The following PCDHA1 variants were observed in gnomAD, a reference collection of about 807,000 sequenced individuals.
PCDHA1 encodes the protein protocadherin alpha-1.
Under a neutral mutation model 61.3 loss-of-function variants are expected in PCDHA1, and 42 were observed. The ratio of observed to expected loss-of-function variants is 0.69; its 90% CI spans 0.54 to 0.89. PCDHA1 has a LOEUF of 0.89. PCDHA1 is among the 40% of genes least tolerant of loss of function. The pLI, the probability that PCDHA1 is intolerant of heterozygous loss-of-function variation, is 0.00. For missense variants in PCDHA1, 1,256 were observed against 1,235.3 expected, an observed-to-expected ratio of 1.02 and a Z score of -0.25; for synonymous variants, 610 against 553.8, an observed-to-expected ratio of 1.10 and a Z score of -1.43.
At chr5:140,819,566 T>G (rs1437809620) in intron 1 of PCDHA1, among the ~76,000 whole-genome samples, 1 of 152,138 alleles carries the variant, frequency 6.6e-6, no homozygotes, top group Non-Finnish European at 1.5e-5. Flanking sequence ...GAAAATAGCT[T>G]AGAAGAAGAT....
chr5:140,917,231 A>G (rs2077963769), intron 1 of PCDHA1, among the ~76,000 whole-genome samples: 1 of 151,360 alleles, frequency 6.6e-6, no homozygotes, highest in Admixed American at 6.6e-5. Context: ...TACGTTGTTA[A>G]ATCTAGGTAC....
At chr5:140,851,805 T>A (rs2042164036) in intron 1 of PCDHA1, 1 of 945,532 alleles carries the variant, frequency 1.1e-6, no homozygotes. Flanking sequence ...CTGTCAGTAA[T>A]CCATAAGACA....
rs202007975 is a variant in PCDHA1 at position 140,850,558 on chromosome 5, G to A, written c.2394+61874G>A. The A allele has an allele frequency of 5.2e-4, 834 of 1,598,326 alleles. 75 individuals carry two copies. The highest frequency in any genetic ancestry group is 6.1e-4 in the Non-Finnish European group (716 of 1,167,818). ...TCGCGGGCGTCAGTGGGTGCCACGGGCCCCGAGGTGACGCTGGTGGATGTC... is the reference window on the plus strand; with the variant it reads ...TCGCGGGCGTCAGTGGGTGCCACGGACCCCGAGGTGACGCTGGTGGATGTC... On this transcript the variant is annotated intron_variant, in intron 1 of 3. Transcript: ENST00000504120.
At chr5:140,869,203 TC>T in intron 1 of PCDHA1, 30 of 1,614,000 alleles carry the variant, frequency 1.9e-5, no homozygotes, top group Non-Finnish European at 2.5e-5. Flanking sequence ...GCTCCACTAC[TC>T]CGTCTCGGAG....
Position 140,927,842 on chromosome 5 carries a change from T to C in PCDHA1, c.2395-51107T>C, listed in dbSNP as rs201721848. 1.9e-6 allele frequency: 3 copies of C among 1,614,140 alleles called. No individual in the cohort carries two copies. The African/African-American group carries it at 4.0e-5, about 22-fold the overall frequency. On this transcript the variant is annotated intron_variant, in intron 1 of 3. Transcript: ENST00000504120. ...TACATTGAGGCGAGGGACGAAGGTG[T>C]CTTTGGTTTAGCTAGCACCGCTAAA... is the stretch of plus-strand genomic sequence containing the variant.
At chr5:140,796,503 G>A (rs1554119948) in intron 1 of PCDHA1, 2 of 1,612,392 alleles carry the variant, frequency 1.2e-6, no homozygotes, top group East Asian at 4.5e-5. Flanking sequence ...TGCACGCGGA[G>A]AGCGGCAAGG....
At chr5:140,914,944 CTTTT>C (rs35695909) in intron 1 of PCDHA1, among the ~76,000 whole-genome samples, 298 of 128,244 alleles carry the variant, frequency 2.3e-3, no homozygotes, top group African/African-American at 8.2e-3. Flanking sequence ...GAAAAGTTGT[CTTTT>C]TTTTTTTTTT....
At chr5:140,808,513 T>A (rs1554124601) in intron 1 of PCDHA1, 1 of 1,614,138 alleles carries the variant, frequency 6.2e-7, no homozygotes. Flanking sequence ...CCAGTGTTTC[T>A]GTGGAGGTGG....
At chr5:140,815,038 A>AT (rs1226281271) in intron 1 of PCDHA1, 3 of 152,070 alleles carry the variant, frequency 2.0e-5, no homozygotes, top group Non-Finnish European at 4.4e-5. Context: ...TTTGCATGAA[A>AT]TTTTTTTAAT....
intron 3 of PCDHA1, 47 bp from the exon 4 acceptor site, chr5:141,009,580 G>T: frequency 1.3e-6 from 2 of 1,588,168 alleles, no homozygotes; most frequent in South Asian, 2.3e-5. Context: ...GTGGCATCAA[G>T]AGCATGTGTT....
rs781801031 is a variant in PCDHA1, at chr5:140,796,082, C to A, written c.2394+7398C>A. The A allele has an allele frequency of 1.2e-6, 2 of 1,614,194 alleles. No homozygotes were observed. The highest frequency in any genetic ancestry group is 2.2e-5 in the East Asian group (1 of 44,886). On this transcript the variant is annotated intron_variant, in intron 1 of 3. Transcript: ENST00000504120. ...CTGGGCACTGTCATTGCTCTCATCA[C>A]GGTGTCGGATCGCGACTCTGGTACG...
At chr5:140,850,671 A>T in intron 1 of PCDHA1, 1 of 1,598,160 alleles carries the variant, frequency 6.3e-7, no homozygotes, top group Non-Finnish European at 8.6e-7. Context: ...GTGCTCGGCG[A>T]TGCCCACCGA....
At chr5:140,958,374 A>G (rs953397625) in intron 1 of PCDHA1, among the ~76,000 whole-genome samples, 3 of 152,134 alleles carry the variant, frequency 2.0e-5, no homozygotes, top group African/African-American at 7.2e-5. Context: ...GAATGTTGCT[A>G]TTTTCTTAAC....
intron 1 of PCDHA1, among the ~76,000 whole-genome samples, chr5:140,895,670 G>C (rs551602030): frequency 3.9e-5 from 6 of 152,250 alleles, no homozygotes; most frequent in Non-Finnish European, 8.8e-5. Context: ...AGAACATGTA[G>C]TATTTGGTTT....
intron 1 of PCDHA1, among the ~76,000 whole-genome samples, chr5:140,939,338 G>A (rs2092369072): frequency 6.6e-6 from 1 of 152,116 alleles, no homozygotes; most frequent in South Asian, 2.1e-4. Context: ...TTAGGGGTTA[G>A]CATTTCAACT....
At chr5:140,822,834 C>A in intron 1 of PCDHA1, 1 of 1,614,218 alleles carries the variant, frequency 6.2e-7, no homozygotes, top group Middle Eastern at 1.6e-4. Flanking sequence ...CCATAACCAC[C>A]CTTTTCCTGC....
At position 140,853,027 on chromosome 5, in the gene PCDHA1, T is replaced by C. The variant is rs2150527386; in HGVS notation, c.2394+64343T>C. The C allele has an allele frequency of 3.8e-4, 97 of 255,546 alleles. 3 individuals are homozygous for C. Among genetic ancestry groups the C allele is most frequent in the Non-Finnish European group, 5.7e-4 (88 of 155,318 alleles). 15.8% of individuals were successfully genotyped at this position (255,546 alleles called of 1,614,324 possible). Reference sequence around the variant, plus strand: ...CCGAGTAGCTGGGACTACAGGCGCCTGCCACCATGCCCGCCTAATTTTTTT... The same window carrying C: ...CCGAGTAGCTGGGACTACAGGCGCCCGCCACCATGCCCGCCTAATTTTTTT... On this transcript the variant is annotated intron_variant, in intron 1 of 3. Coordinates refer to ENST00000504120, the MANE Select transcript of PCDHA1 (RefSeq NM_018900.4).
At chr5:140,848,653 G>A (rs2150416159) in intron 1 of PCDHA1, 1 of 1,592,724 alleles carries the variant, frequency 6.3e-7, no homozygotes, top group Admixed American at 1.7e-5. Context: ...CAGGACCTGG[G>A]GCTGGAGCTG....
chr5:140,970,641 T>C (rs1430565577), intron 1 of PCDHA1, among the ~76,000 whole-genome samples: 1 of 152,170 alleles, frequency 6.6e-6, no homozygotes, highest in African/African-American at 2.4e-5. Context: ...GTACCATAAA[T>C]AGTGATGAAT....
Sources: allele counts gnomAD v4.1 joint callset (sites outside exome capture counted in the v4.1 genomes callset), GRCh38; gene constraint gnomAD v4.1.1; transcripts MANE v1.5; gene names NCBI Gene and HGNC (gene_info 2026-07-23, HGNC 2026-07-21).